Variants in LZTS1 observed in about 807,000 individuals in gnomAD.
LZTS1 encodes the protein leucine zipper tumor suppressor 1.
In LZTS1, 31 loss-of-function variants were observed where a neutral mutation model predicts 45.8. That is an observed-to-expected ratio of 0.68 (90% CI 0.51 to 0.91). The LOEUF (loss-of-function observed/expected upper bound fraction) is 0.91, where lower values mean the gene tolerates loss of function less well. Ranked by LOEUF, LZTS1 falls within the 40% of genes least tolerant of loss-of-function variation. The pLI is 0.00. For missense variants in LZTS1, 821 were observed against 788.9 expected (o/e 1.04, Z -0.49); for synonymous variants, 359 against 357.3 (o/e 1.00, Z -0.05).
intron 1 of LZTS1, among the ~76,000 whole-genome samples, chr8:20,282,262 C>T (rs1800708168): frequency 6.6e-6 from 1 of 152,224 alleles, no homozygotes; most frequent in African/African-American, 2.4e-5. Context: ...GGTGGCGACT[C>T]ATGCCTCTGT....
Position 20,303,955 on chromosome 8 carries a change from G to T in LZTS1, c.-350C>A. ...CCAACCCGCCAGCTCCAGGCGCGCC[G>T]GCCTCTGCGCGGGTCCCGGAGCCGG... On this transcript the variant is annotated 5_prime_UTR_variant, in exon 1 of 4. Coordinates refer to ENST00000381569, the MANE Select transcript of LZTS1 (RefSeq NM_021020.5). 2.1e-6 allele frequency: 2 copies of T among 966,330 alleles called. No individual in the cohort carries two copies. The highest frequency in any genetic ancestry group is 2.5e-6 in the Non-Finnish European group (2 of 813,980). 59.9% of individuals were successfully genotyped at this position (966,330 alleles called of 1,614,324 possible).
At chr8:20,253,694 C>T in intron 2 of LZTS1, 109 bp from the exon 3 acceptor site, 1 of 769,046 alleles carries the variant, frequency 1.3e-6, no homozygotes, top group East Asian at 2.7e-5. Flanking sequence ...TCTCTGAGCG[C>T]ACGCAGCACC....
At chr8:20,269,234 G>A (rs542365549) in intron 1 of LZTS1, among the ~76,000 whole-genome samples, 27 of 152,124 alleles carry the variant, frequency 1.8e-4, no homozygotes, top group Non-Finnish European at 3.4e-4. Context: ...CAAGTGAGCC[G>A]GGCACCGCTG....
rs116976370 is a variant in LZTS1, at chr8:20,286,646, C to T, written c.-135+17094G>A. Among the ~76,000 whole-genome samples the T allele has an allele frequency of 9.8e-5, 15 of 152,316 alleles. No homozygotes were observed. The East Asian group carries it at 2.9e-3, about 29-fold the overall frequency. On this transcript the variant is annotated intron_variant, in intron 1 of 3. Transcript: ENST00000381569. The stretch of plus-strand genomic sequence containing the variant: ...CCCAGCAATCCCACTCGTAGAGGTA[C>T]ACCTGGCAGAAATGGCCACATGTGT...
intron 1 of LZTS1, chr8:20,289,191 T>C (rs1563895968): frequency 6.6e-6 from 1 of 152,162 alleles, no homozygotes; most frequent in Non-Finnish European, 1.5e-5. Context: ...TTTGTAATCA[T>C]GTATCAATTG....
intron 2 of LZTS1, 138 bp downstream of exon 2, chr8:20,254,699 C>G: frequency 1.4e-6 from 1 of 692,204 alleles, no homozygotes; most frequent in Non-Finnish European, 2.4e-6. Flanking sequence ...AGGCTTCCGC[C>G]GGCACCCCTG....
intron 1 of LZTS1, among the ~76,000 whole-genome samples, chr8:20,296,556 TCC>T (rs140875349): frequency 2.0e-5 from 3 of 152,094 alleles, no homozygotes; most frequent in Admixed American, 6.6e-5. Flanking sequence ...GGTGTGGATC[TCC>T]CGGGTCCTGA....
chr8:20,285,527 T>A (rs1203658790), intron 1 of LZTS1, among the ~76,000 whole-genome samples: 1 of 152,224 alleles, frequency 6.6e-6, no homozygotes, highest in Non-Finnish European at 1.5e-5. Flanking sequence ...CGAAGTTGTG[T>A]ATGACCTCTA....
intron 1 of LZTS1, among the ~76,000 whole-genome samples, chr8:20,280,043 T>G (rs561845586): frequency 6.6e-6 from 1 of 151,282 alleles, no homozygotes; most frequent in African/African-American, 2.4e-5. Flanking sequence ...TCCCAAGAAG[T>G]AGAATTGCTA....
At chr8:20,252,736 G>T (rs756430478) in intron 3 of LZTS1, 46 bp downstream of exon 3, 2 of 1,465,546 alleles carry the variant, frequency 1.4e-6, no homozygotes, top group South Asian at 1.5e-5. Flanking sequence ...GGGTACTGGC[G>T]CCAAACCGCT....
intron 1 of LZTS1, among the ~76,000 whole-genome samples, chr8:20,267,884 G>T (rs756997704): frequency 2.0e-5 from 3 of 152,136 alleles, no homozygotes; most frequent in Non-Finnish European, 4.4e-5. Flanking sequence ...ATCCCAGACC[G>T]ACGGATCTGC....
intron 3 of LZTS1, among the ~76,000 whole-genome samples, chr8:20,251,098 A>AATACATAT (rs1367635822): frequency 6.3e-4 from 26 of 41,402 alleles, no homozygotes; most frequent in African/African-American, 1.7e-3. Flanking sequence ...CCTGAGGGCT[A>AATACATAT]ATATATATAT....
intron 2 of LZTS1, among the ~76,000 whole-genome samples, chr8:20,254,552 C>T (rs1477752904): frequency 1.3e-5 from 2 of 152,240 alleles, no homozygotes; most frequent in Non-Finnish European, 2.9e-5. Flanking sequence ...AATCCAGCTA[C>T]ATTTCAGTGG....
At chr8:20,254,746 C>A (rs949800319) in intron 2 of LZTS1, 91 bp downstream of exon 2, 2 of 1,107,402 alleles carry the variant, frequency 1.8e-6, no homozygotes, top group Middle Eastern at 2.9e-4. Flanking sequence ...GCTCAGGTCA[C>A]CACTCCCCCT....
intron 1 of LZTS1, chr8:20,289,197 A>C (rs1369308661): frequency 6.6e-6 from 1 of 152,132 alleles, no homozygotes; most frequent in East Asian, 1.9e-4. Flanking sequence ...ATCATGTATC[A>C]ATTGTTTGCA....
intron 1 of LZTS1, among the ~76,000 whole-genome samples, chr8:20,288,165 G>A (rs990475169): frequency 1.3e-5 from 2 of 152,096 alleles, no homozygotes; most frequent in East Asian, 1.9e-4. Context: ...CAGCTCAGCC[G>A]AGCAGAGCTT....
Position 20,268,563 on chromosome 8 carries a change from T to G in LZTS1, c.-134-13248A>C, listed in dbSNP as rs78888110. On this transcript the variant is annotated intron_variant, in intron 1 of 3. Coordinates refer to ENST00000381569, the MANE Select transcript of LZTS1 (RefSeq NM_021020.5). ...CAGGGCTGGGGCAGGGGTGAGCCTTTGAGCTAGTTAATCATCTCAGCCCAG... is the reference window on the plus strand; with the variant it reads ...CAGGGCTGGGGCAGGGGTGAGCCTTGGAGCTAGTTAATCATCTCAGCCCAG... Among the ~76,000 whole-genome samples, 243 of 152,240 alleles carry G rather than the reference T, an allele frequency of 1.6e-3. 1 individual carries two copies. The highest frequency in any genetic ancestry group is 5.6e-3 in the African/African-American group (231 of 41,564).
At position 20,286,859 on chromosome 8, in the gene LZTS1, G is replaced by A. The variant is rs10097745; in HGVS notation, c.-135+16881C>T. 5.5e-3 allele frequency among the ~76,000 whole-genome samples: 835 copies of A among 152,274 alleles called. 12 individuals are homozygous for A. The highest frequency in any genetic ancestry group is 0.019 in the African/African-American group (789 of 41,554). On this transcript the variant is annotated intron_variant, in intron 1 of 3. Transcript: ENST00000381569. ...CATGGACCAGTTTCACAAAGGACACGTTCTGTGCAATTCCATTCAGTAAGA... is the reference window on the plus strand; with the variant it reads ...CATGGACCAGTTTCACAAAGGACACATTCTGTGCAATTCCATTCAGTAAGA...
intron 1 of LZTS1, among the ~76,000 whole-genome samples, chr8:20,258,235 G>A (rs1301994667): frequency 2.6e-5 from 4 of 152,172 alleles, no homozygotes; most frequent in Non-Finnish European, 5.9e-5. Context: ...CAGGAGATGT[G>A]GAAGGAGCCT....
Sources: allele counts gnomAD v4.1 joint callset (sites outside exome capture counted in the v4.1 genomes callset), GRCh38; gene constraint gnomAD v4.1.1; transcripts MANE v1.5; gene names NCBI Gene and HGNC (gene_info 2026-07-23, HGNC 2026-07-21).